MVB12B: variants seen among roughly 807,000 people sequenced by gnomAD.
MVB12B encodes the protein ESCRT-I complex subunit MVB12B.
Under a neutral mutation model 41.6 loss-of-function variants are expected in MVB12B, and 16 were observed. The ratio of observed to expected loss-of-function variants is 0.38; its 90% CI spans 0.26 to 0.58. MVB12B has a LOEUF of 0.58. Ranked by LOEUF, MVB12B falls within the 20% of genes least tolerant of loss-of-function variation. The pLI is 0.62. For missense variants in MVB12B, 274 were observed against 380.2 expected (o/e 0.72, Z 2.32); for synonymous variants, 133 against 139.7 (o/e 0.95, Z 0.34).
In MVB12B at chr9:126,392,173, C is replaced by T. The variant is rs1830975751; in HGVS notation, c.517C>T (p.Pro173Ser). The change falls in exon 5 of 10, where the codon CCG becomes TCG. Residue 173 changes from proline (P) to serine (S), a missense_variant. Transcript: ENST00000361171. The surrounding 1 kb of genome is among the most constrained non-coding windows in gnomAD (Gnocchi z 4.8). ...IRIMGRTKQA[P>S]PQYTFIGELN... is the part of the protein sequence containing the mutation. ...GATCATGGGCCGGACCAAGCAGGCCCCGCCTCAGTACACGTTTATTGGGTG... is the reference window on the plus strand; with the variant it reads ...GATCATGGGCCGGACCAAGCAGGCCTCGCCTCAGTACACGTTTATTGGGTG... 6.2e-7 allele frequency: 1 copy of T among 1,614,068 alleles called. No homozygotes were observed. Among genetic ancestry groups the T allele is most frequent in the African/African-American group, 1.3e-5 (1 of 74,942 alleles).
chr9:126,410,648 T>A (rs1831618245), intron 6 of MVB12B, among the ~76,000 whole-genome samples: 1 of 152,162 alleles, frequency 6.6e-6, no homozygotes, highest in Non-Finnish European at 1.5e-5. Flanking sequence ...TCAAATCCCA[T>A]TTCCTACCTC....
chr9:126,338,285 G>A (rs1415816768), intron 1 of MVB12B, among the ~76,000 whole-genome samples: 2 of 152,212 alleles, frequency 1.3e-5, no homozygotes, highest in Non-Finnish European at 2.9e-5. Flanking sequence ...GCCTCAGCCG[G>A]GGGCCGCCCG....
At chr9:126,412,125 A>G (rs745801107) in intron 6 of MVB12B, among the ~76,000 whole-genome samples, 24 of 152,228 alleles carry the variant, frequency 1.6e-4, no homozygotes, top group Non-Finnish European at 2.9e-4. Context: ...CGGGCGCTCT[A>G]GAAGGTGCTT....
chr9:126,490,981 G>A (rs1833719260), intron 9 of MVB12B, among the ~76,000 whole-genome samples: 1 of 152,174 alleles, frequency 6.6e-6, no homozygotes, highest in Non-Finnish European at 1.5e-5. Context: ...AATCCGTCTT[G>A]ATTATAATTG....
intron 7 of MVB12B, among the ~76,000 whole-genome samples, chr9:126,458,266 C>A (rs1157341979): frequency 6.6e-6 from 1 of 152,172 alleles, no homozygotes; most frequent in Non-Finnish European, 1.5e-5. Context: ...CTCACCAGGC[C>A]CAGGATAGAG....
At chr9:126,427,613 T>C (rs1412920228) in intron 7 of MVB12B, among the ~76,000 whole-genome samples, 6 of 152,216 alleles carry the variant, frequency 3.9e-5, no homozygotes, top group African/African-American at 1.4e-4. Flanking sequence ...AGAAAGCTTA[T>C]TTATCTCTTT....
chr9:126,441,264 A>G (rs1003789628), intron 7 of MVB12B, among the ~76,000 whole-genome samples: 1 of 152,212 alleles, frequency 6.6e-6, no homozygotes, highest in African/African-American at 2.4e-5. Context: ...AAGGCGAAAC[A>G]AAAGGGAGCA....
At chr9:126,336,752 A>ACGCG (rs200966267) in intron 1 of MVB12B, among the ~76,000 whole-genome samples, 29 of 97,548 alleles carry the variant, frequency 3.0e-4, no homozygotes, top group African/African-American at 8.8e-4. Flanking sequence ...TTGTGTGTGC[A>ACGCG]CGCACACACA....
intron 3 of MVB12B, among the ~76,000 whole-genome samples, chr9:126,382,565 C>T (rs1830666946): frequency 6.6e-6 from 1 of 152,184 alleles, no homozygotes; most frequent in African/African-American, 2.4e-5. Context: ...TAATGAGTCC[C>T]TGCAGGTCCC....
intron 7 of MVB12B, among the ~76,000 whole-genome samples, chr9:126,455,749 G>A (rs986131599): frequency 3.3e-5 from 5 of 152,090 alleles, no homozygotes; most frequent in African/African-American, 9.7e-5. Flanking sequence ...GCCTCCCAAT[G>A]TGCTGGAATT....
At chr9:126,492,303 T>C (rs1048397713) in intron 9 of MVB12B, among the ~76,000 whole-genome samples, 2 of 151,642 alleles carry the variant, frequency 1.3e-5, no homozygotes, top group African/African-American at 4.9e-5. Flanking sequence ...CAATCCACTA[T>C]TGACTGACTT....
chr9:126,455,776 C>G (rs1832970089), intron 7 of MVB12B, among the ~76,000 whole-genome samples: 1 of 152,090 alleles, frequency 6.6e-6, no homozygotes, highest in South Asian at 2.1e-4. Context: ...GTGCAAACCA[C>G]TAAGCCTGAC....
At chr9:126,498,980 A>G (rs945445789) in intron 9 of MVB12B, among the ~76,000 whole-genome samples, 5 of 152,212 alleles carry the variant, frequency 3.3e-5, no homozygotes, top group African/African-American at 1.2e-4. Context: ...CACTGTGGTT[A>G]AAGCCTTTGG....
intron 2 of MVB12B, among the ~76,000 whole-genome samples, chr9:126,354,010 C>T (rs1829817959): frequency 6.6e-6 from 1 of 152,124 alleles, no homozygotes. Flanking sequence ...ATACCATTAC[C>T]CTTTATTGTC....
At position 126,392,272 on chromosome 9, in the gene MVB12B, A is replaced by G. The variant is rs1452805160; in HGVS notation, c.539+77A>G. The G allele has an allele frequency of 7.7e-6, 12 of 1,549,936 alleles. No individual in the cohort carries two copies. The Admixed American group carries it at 1.9e-4, about 25-fold the overall frequency. On this transcript the variant is annotated intron_variant, in intron 5 of 9. Coordinates refer to ENST00000361171, the MANE Select transcript of MVB12B (RefSeq NM_033446.3). This position sits in a 1 kb window ranked among gnomAD's most constrained non-coding sequence, Gnocchi z 4.8. ...AGGCCACTCCAGGCAATGAGGTCCA[A>G]GAGATTTCCATGCAGCCCCCCAGGC... is the stretch of plus-strand genomic sequence containing the variant.
chr9:126,352,056 A>C (rs1396672194), intron 2 of MVB12B, among the ~76,000 whole-genome samples: 1 of 152,064 alleles, frequency 6.6e-6, no homozygotes, highest in East Asian at 1.9e-4. Context: ...TCACTTGGTC[A>C]TGGTATATAA....
At chr9:126,445,930 T>C (rs1039502409) in intron 7 of MVB12B, among the ~76,000 whole-genome samples, 2 of 152,248 alleles carry the variant, frequency 1.3e-5, no homozygotes, top group East Asian at 3.8e-4. Flanking sequence ...ATTTTGTCTC[T>C]TTGATAACAT....
intron 2 of MVB12B, among the ~76,000 whole-genome samples, chr9:126,344,089 G>A (rs960301270): frequency 1.3e-5 from 2 of 149,184 alleles, no homozygotes; most frequent in African/African-American, 2.5e-5. Context: ...AAAGTGAGAC[G>A]AATCAAACAC....
At chr9:126,469,466 A>G (rs1833269152) in intron 7 of MVB12B, among the ~76,000 whole-genome samples, 2 of 152,238 alleles carry the variant, frequency 1.3e-5, no homozygotes, top group Non-Finnish European at 1.5e-5. Context: ...CCTGGCAGAG[A>G]AAGTGCGTCT....
Sources: allele counts gnomAD v4.1 joint callset (sites outside exome capture counted in the v4.1 genomes callset), GRCh38; gene constraint gnomAD v4.1.1; non-coding constraint Gnocchi (gnomAD v3.1); transcripts MANE v1.5; gene names NCBI Gene and HGNC (gene_info 2026-07-23, HGNC 2026-07-21).